Variants in FOXN3 observed in about 807,000 individuals in gnomAD.
FOXN3 encodes forkhead box N3, also known as forkhead box protein N3.
A neutral mutation model predicts 38.4 loss-of-function variants in FOXN3; 7 were observed. That is an observed-to-expected ratio of 0.18 (90% CI 0.10 to 0.34). The LOEUF (loss-of-function observed/expected upper bound fraction) is 0.34. FOXN3 is among the 10% of genes least tolerant of loss of function. FOXN3 has a pLI of 1.00. For missense variants in FOXN3, 456 were observed against 613.4 expected (o/e 0.74, Z 2.71); for synonymous variants, 230 against 242.2 (o/e 0.95, Z 0.47).
chr14:89,274,507 T>C (rs1295751149), intron 4 of FOXN3, among the ~76,000 whole-genome samples: 5 of 152,116 alleles, frequency 3.3e-5, no homozygotes, highest in Admixed American at 2.6e-4. Context: ...ACAAAGACCT[T>C]GGGCCTCAGG....
chr14:89,330,702 C>T (rs962926608), intron 3 of FOXN3, among the ~76,000 whole-genome samples: 4 of 152,210 alleles, frequency 2.6e-5, no homozygotes, highest in African/African-American at 9.7e-5. Flanking sequence ...TATCCAAATG[C>T]TGCAATTGGA....
chr14:89,206,873 G>A (rs1167291343), intron 4 of FOXN3, among the ~76,000 whole-genome samples: 4 of 152,022 alleles, frequency 2.6e-5, no homozygotes, highest in African/African-American at 9.7e-5. Context: ...CCGTGCCTGG[G>A]AGCCTTCAGA....
At chr14:89,410,888 AAAAAAAG>A (rs913380741) in intron 2 of FOXN3, among the ~76,000 whole-genome samples, 70 of 148,084 alleles carry the variant, frequency 4.7e-4, no homozygotes, top group African/African-American at 1.3e-3. Flanking sequence ...AAAAAGAGGA[AAAAAAAG>A]AAAAAAGAAA....
intron 1 of FOXN3, among the ~76,000 whole-genome samples, chr14:89,505,435 T>C (rs1326280526): frequency 6.6e-6 from 1 of 152,128 alleles, no homozygotes; most frequent in Non-Finnish European, 1.5e-5. Context: ...CCGCCACGCC[T>C]GACTGGTTTT....
chr14:89,327,008 C>T (rs1456581570), intron 3 of FOXN3, among the ~76,000 whole-genome samples: 1 of 152,202 alleles, frequency 6.6e-6, no homozygotes, highest in Non-Finnish European at 1.5e-5. Flanking sequence ...CCCAACCCAG[C>T]TGTGGGGTCT....
At chr14:89,578,103 C>T (rs922332469) in intron 1 of FOXN3, among the ~76,000 whole-genome samples, 1 of 152,088 alleles carries the variant, frequency 6.6e-6, no homozygotes, top group East Asian at 1.9e-4. Context: ...GGAAAAAATG[C>T]CATGGCAATT....
intron 3 of FOXN3, among the ~76,000 whole-genome samples, chr14:89,325,630 A>G (rs1888059661): frequency 6.6e-6 from 1 of 152,214 alleles, no homozygotes; most frequent in African/African-American, 2.4e-5. Context: ...AGAGGACATG[A>G]CTTGTGGTGA....
chr14:89,347,559 G>A (rs7142572), intron 3 of FOXN3, among the ~76,000 whole-genome samples: 75,389 of 152,058 alleles, frequency 0.5, 20,132 homozygotes, highest in African/African-American at 0.72. Flanking sequence ...AGTACTCCAC[G>A]CTGAGCTCTG....
At chr14:89,339,435 C>A (rs188547370) in intron 3 of FOXN3, among the ~76,000 whole-genome samples, 1 of 152,178 alleles carries the variant, frequency 6.6e-6, no homozygotes, top group Admixed American at 6.5e-5. Context: ...GAGCCTGCTG[C>A]GACATTGGCC....
At chr14:89,482,113 T>G (rs1392825305) in intron 1 of FOXN3, among the ~76,000 whole-genome samples, 1 of 152,228 alleles carries the variant, frequency 6.6e-6, no homozygotes, top group African/African-American at 2.4e-5. Context: ...TCTTAAAATG[T>G]GTTAAAATGT....
intron 2 of FOXN3, among the ~76,000 whole-genome samples, chr14:89,394,897 G>A (rs2140081530): frequency 6.6e-6 from 1 of 152,294 alleles, no homozygotes; most frequent in South Asian, 2.1e-4. Flanking sequence ...CCCAACTAAG[G>A]GATCTCCTAG....
intron 1 of FOXN3, among the ~76,000 whole-genome samples, chr14:89,601,994 T>G (rs928281325): frequency 6.6e-6 from 1 of 152,206 alleles, no homozygotes; most frequent in Non-Finnish European, 1.5e-5. Flanking sequence ...CCCATGGATA[T>G]TCTACTATTG....
intron 1 of FOXN3, among the ~76,000 whole-genome samples, chr14:89,503,374 A>T (rs996501841): frequency 6.6e-6 from 1 of 152,126 alleles, no homozygotes; most frequent in Non-Finnish European, 1.5e-5. Context: ...ATTTATTTTT[A>T]AAAAAACATT....
chr14:89,567,270 T>C (rs1019021879), intron 1 of FOXN3, among the ~76,000 whole-genome samples: 1 of 152,230 alleles, frequency 6.6e-6, no homozygotes, highest in African/African-American at 2.4e-5. Flanking sequence ...AAATGTTTGG[T>C]GCAGACAAGT....
intron 1 of FOXN3, among the ~76,000 whole-genome samples, chr14:89,428,273 G>A (rs905190522): frequency 6.6e-6 from 1 of 152,158 alleles, no homozygotes; most frequent in Non-Finnish European, 1.5e-5. Flanking sequence ...AGCCAAACCT[G>A]AAGTCTCTTT....
chr14:89,199,719 A>C (rs542033675), intron 4 of FOXN3, among the ~76,000 whole-genome samples: 3 of 152,282 alleles, frequency 2.0e-5, no homozygotes, highest in African/African-American at 7.2e-5. Flanking sequence ...CCTGGCCAAC[A>C]TGGTGAAATC....
intron 1 of FOXN3, among the ~76,000 whole-genome samples, chr14:89,531,982 C>T (rs1029321839): frequency 2.0e-5 from 3 of 152,148 alleles, no homozygotes; most frequent in East Asian, 3.8e-4. Context: ...CCTTAAACTC[C>T]AGCGGTTCTT....
At chr14:89,346,658 G>A (rs1418076275) in intron 3 of FOXN3, among the ~76,000 whole-genome samples, 2 of 152,110 alleles carry the variant, frequency 1.3e-5, no homozygotes, top group Non-Finnish European at 2.9e-5. Context: ...CTGTTCACCA[G>A]GTTTGTCCAC....
At chr14:89,306,118 TC>T (rs2139952546) in intron 3 of FOXN3, among the ~76,000 whole-genome samples, 1 of 152,300 alleles carries the variant, frequency 6.6e-6, no homozygotes, top group Non-Finnish European at 1.5e-5. Context: ...CATTCTCAAT[TC>T]CCTCTATTTC....
Sources: gnomAD v4.1 joint callset for allele counts (sites outside exome capture counted in the v4.1 genomes callset) on GRCh38, gnomAD v4.1.1 for gene constraint, MANE v1.5 for transcripts, NCBI Gene and HGNC (gene_info 2026-07-23, HGNC 2026-07-21) for gene names.